The following KIAA1671 variants were observed in gnomAD, a reference collection of about 807,000 sequenced individuals.
The protein encoded by KIAA1671 is uncharacterized protein KIAA1671.
KIAA1671 carries 52 observed loss-of-function variants against 131.2 expected under a neutral mutation model. That is an observed-to-expected ratio of 0.40 (90% CI 0.32 to 0.50). The LOEUF (loss-of-function observed/expected upper bound fraction) is 0.50. Ranked by LOEUF, KIAA1671 falls within the 20% of genes least tolerant of loss-of-function variation. KIAA1671 has a pLI of 0.73. For synonymous variants in KIAA1671, 1,003 were observed against 961.6 expected (o/e 1.04, Z -0.80); for missense variants, 2,360 against 2,364.2 (o/e 1.00, Z 0.04).
intron 6 of KIAA1671, among the ~76,000 whole-genome samples, chr22:25,137,033 A>G (rs534894650): frequency 6.6e-6 from 1 of 152,328 alleles, no homozygotes; most frequent in South Asian, 2.1e-4. Flanking sequence ...CTGTTCAAAG[A>G]TAACCAGGTG....
chr22:25,008,534 A>T (rs1924870395), intron 1 of KIAA1671, among the ~76,000 whole-genome samples: 1 of 152,142 alleles, frequency 6.6e-6, no homozygotes, highest in Non-Finnish European at 1.5e-5. Context: ...TGCTTCGAGG[A>T]TATATAAAGT....
chr22:24,972,708 C>T (rs1275543237), intron 1 of KIAA1671, among the ~76,000 whole-genome samples: 3 of 151,944 alleles, frequency 2.0e-5, no homozygotes, highest in Non-Finnish European at 2.9e-5. Context: ...CCATCCATCT[C>T]ATCTAACAAT....
chr22:25,156,012 CTTT>C (rs57822676), intron 6 of KIAA1671, among the ~76,000 whole-genome samples: 29 of 35,322 alleles, frequency 8.2e-4, no homozygotes, highest in African/African-American at 2.0e-3. Flanking sequence ...TGTGTATGTG[CTTT>C]TTTTTTTTTT....
At chr22:25,021,723 C>T (rs1925678612) in intron 1 of KIAA1671, among the ~76,000 whole-genome samples, 1 of 152,100 alleles carries the variant, frequency 6.6e-6, no homozygotes, top group African/African-American at 2.4e-5. Context: ...GGACAGACCT[C>T]CTGTGCACAG....
chr22:25,017,330 C>T (rs988368205), intron 1 of KIAA1671, among the ~76,000 whole-genome samples: 5 of 152,140 alleles, frequency 3.3e-5, no homozygotes, highest in Non-Finnish European at 7.3e-5. Context: ...CTGCAGTGAG[C>T]CGAGATTGCG....
chr22:24,983,616 G>A (rs943110207), intron 1 of KIAA1671, among the ~76,000 whole-genome samples: 8 of 151,196 alleles, frequency 5.3e-5, no homozygotes, highest in Non-Finnish European at 8.8e-5. Flanking sequence ...GTGGGGGGGC[G>A]GGGGTGGTTC....
chr22:25,184,093 A>G (rs185170861), intron 10 of KIAA1671, among the ~76,000 whole-genome samples: 90 of 152,308 alleles, frequency 5.9e-4, no homozygotes, highest in Non-Finnish European at 7.4e-4. Flanking sequence ...TTAAACTTCA[A>G]TCTCTACCAC....
intron 1 of KIAA1671, among the ~76,000 whole-genome samples, chr22:24,986,532 T>C (rs1041208801): frequency 1.3e-5 from 2 of 152,120 alleles, no homozygotes; most frequent in Admixed American, 1.3e-4. Context: ...ACCATCCTTA[T>C]TTTTTTCCTG....
At chr22:25,005,678 A>G (rs1924711386) in intron 1 of KIAA1671, among the ~76,000 whole-genome samples, 1 of 152,026 alleles carries the variant, frequency 6.6e-6, no homozygotes, top group African/African-American at 2.4e-5. Context: ...GCCAAAATAA[A>G]CTCTTGTCAG....
At chr22:25,099,542 TTTG>T (rs1387878018) in intron 6 of KIAA1671, among the ~76,000 whole-genome samples, 164 of 10,128 alleles carry the variant, frequency 0.016, 11 homozygotes, top group African/African-American at 0.056. Flanking sequence ...TGTGGGTTTT[TTTG>T]TTTTTTTTTT....
chr22:25,137,699 T>C (rs1932735764), intron 6 of KIAA1671, among the ~76,000 whole-genome samples: 1 of 152,248 alleles, frequency 6.6e-6, no homozygotes, highest in Non-Finnish European at 1.5e-5. Flanking sequence ...TTCTGCTCAA[T>C]CACTGTTATT....
In KIAA1671 at chr22:25,055,899, C is replaced by T. The variant is rs1271032930; in HGVS notation, c.4530+6535C>T. 2 of 149,576 alleles carry T rather than the reference C, an allele frequency of 1.3e-5. 1 individual carries two copies. Among genetic ancestry groups the T allele is most frequent in the African/African-American group, 4.9e-5 (2 of 41,018 alleles). The allele number at this position is 149,576 out of a possible 1,614,324, so 9.3% of individuals were successfully genotyped here. ...AGACAGACAGGATCTGGCTCTGTTG[C>T]CCAGGCTATAGTGCCGGTGGCATGA... is the stretch of plus-strand genomic sequence containing the variant. On this transcript the variant is annotated intron_variant, in intron 6 of 12. Coordinates refer to ENST00000358431, the MANE Select transcript of KIAA1671 (RefSeq NM_001145206.2).
chr22:24,968,925 G>GTAGGAGT (rs1922449560), intron 1 of KIAA1671, among the ~76,000 whole-genome samples: 3 of 151,952 alleles, frequency 2.0e-5, no homozygotes, highest in Admixed American at 6.6e-5. Context: ...GTTGAGACAG[G>GTAGGAGT]GCCTTGCCCT....
chr22:25,108,923 C>T (rs1931177771), intron 6 of KIAA1671, among the ~76,000 whole-genome samples: 1 of 152,166 alleles, frequency 6.6e-6, no homozygotes, highest in Non-Finnish European at 1.5e-5. Context: ...TAGTGGCTCA[C>T]TCACATGGCC....
In KIAA1671 at chr22:25,174,237, C is replaced by T. The variant is rs1299238596; in HGVS notation, c.4650-3C>T. On this transcript the variant is annotated splice_polypyrimidine_tract_variant and splice_region_variant and intron_variant, in intron 7 of 12. Coordinates refer to ENST00000358431, the MANE Select transcript of KIAA1671 (RefSeq NM_001145206.2). ...TGTCTCCCTTCATTCCCTTTTTTGGCAGCTTGGCCACTGAGTCCCCAGATA... is the reference window on the plus strand; with the variant it reads ...TGTCTCCCTTCATTCCCTTTTTTGGTAGCTTGGCCACTGAGTCCCCAGATA... The T allele has an allele frequency of 8.4e-6, 13 of 1,547,888 alleles. No individual in the cohort carries two copies. The highest frequency in any genetic ancestry group is 1.0e-5 in the Non-Finnish European group (12 of 1,145,918).
At chr22:24,982,043 G>T (rs1219373932) in intron 1 of KIAA1671, among the ~76,000 whole-genome samples, 1 of 152,186 alleles carries the variant, frequency 6.6e-6, no homozygotes, top group Non-Finnish European at 1.5e-5. Flanking sequence ...GTAAGTGAAT[G>T]AATGAACAAA....
At chr22:25,093,808 C>T (rs954602486) in intron 6 of KIAA1671, among the ~76,000 whole-genome samples, 18 of 130,842 alleles carry the variant, frequency 1.4e-4, no homozygotes, top group Admixed American at 2.3e-4. Context: ...CTCTCTCTCT[C>T]TCTGTCTCTC....
At chr22:24,979,350 A>AT (rs774816891) in intron 1 of KIAA1671, among the ~76,000 whole-genome samples, 9,876 of 134,530 alleles carry the variant, frequency 0.073, 487 homozygotes, top group Non-Finnish European at 0.094. Flanking sequence ...TTATTTATTT[A>AT]TTTATTTATT....
chr22:25,002,297 C>G (rs775545189), intron 1 of KIAA1671, among the ~76,000 whole-genome samples: 4 of 152,082 alleles, frequency 2.6e-5, no homozygotes, highest in Non-Finnish European at 5.9e-5. Context: ...GAAGCAGGCC[C>G]AGAGACAAGG....
Sources: gnomAD v4.1 joint callset for allele counts (sites outside exome capture counted in the v4.1 genomes callset) on GRCh38, gnomAD v4.1.1 for gene constraint, MANE v1.5 for transcripts, NCBI Gene and HGNC (gene_info 2026-07-23, HGNC 2026-07-21) for gene names.